Variants in IQSEC1 observed in about 807,000 individuals in gnomAD.
IQSEC1 encodes IQ motif and Sec7 domain ArfGEF 1.
IQSEC1 carries 31 observed loss-of-function variants against 91.0 expected under a neutral mutation model. That is an observed-to-expected ratio of 0.34 (90% CI 0.26 to 0.46). IQSEC1 has a LOEUF of 0.46. Among genes scored for constraint, IQSEC1 ranks in the 20% least tolerant of loss-of-function variants. The probability of loss-of-function intolerance (pLI) is 1.00; values close to 1 mark genes in which losing one functional copy is unlikely to be tolerated. For missense variants in IQSEC1, 1,388 were observed against 1,575.6 expected (o/e 0.88, Z 2.02); for synonymous variants, 699 against 662.6 (o/e 1.05, Z -0.84).
chr3:13,094,927 A>G (rs1705928278), intron 2 of IQSEC1, among the ~76,000 whole-genome samples: 1 of 152,200 alleles, frequency 6.6e-6, no homozygotes, highest in Non-Finnish European at 1.5e-5. Flanking sequence ...GCTGCAGGCC[A>G]CACGCTGAGA....
intron 1 of IQSEC1, among the ~76,000 whole-genome samples, chr3:13,025,727 G>A (rs769796564): frequency 5.3e-5 from 8 of 152,148 alleles, no homozygotes; most frequent in Admixed American, 1.3e-4. Flanking sequence ...CTCGACTCCC[G>A]CCTGGGGAAC....
chr3:13,164,183 A>G (rs1393707814), intron 1 of IQSEC1, among the ~76,000 whole-genome samples: 1 of 152,096 alleles, frequency 6.6e-6, no homozygotes, highest in Non-Finnish European at 1.5e-5. Flanking sequence ...CTGCTCCGGG[A>G]GACCTGCACA....
intron 2 of IQSEC1, among the ~76,000 whole-genome samples, chr3:13,143,764 A>G (rs549423085): frequency 6.6e-6 from 1 of 152,212 alleles, no homozygotes; most frequent in South Asian, 2.1e-4. Context: ...TGAGCATGAC[A>G]CTCACACTGA....
At chr3:13,226,028 C>G (rs1296339047) in intron 1 of IQSEC1, among the ~76,000 whole-genome samples, 1 of 152,108 alleles carries the variant, frequency 6.6e-6, no homozygotes, top group Non-Finnish European at 1.5e-5. Flanking sequence ...TTACAGGCAC[C>G]CACCACCACG....
chr3:12,948,498 C>T (rs1359707245), intron 1 of IQSEC1, among the ~76,000 whole-genome samples: 1 of 152,202 alleles, frequency 6.6e-6, no homozygotes, highest in African/African-American at 2.4e-5. Flanking sequence ...AACCCCAGCC[C>T]CTCAGCCCAG....
At chr3:13,001,124 T>A (rs185631960) in intron 1 of IQSEC1, among the ~76,000 whole-genome samples, 231 of 152,004 alleles carry the variant, frequency 1.5e-3, no homozygotes, top group Admixed American at 3.3e-3. Flanking sequence ...GCTTTTTTTT[T>A]AAATTTTTTT....
intron 3 of IQSEC1, among the ~76,000 whole-genome samples, chr3:12,928,257 G>A (rs1697337540): frequency 6.6e-6 from 1 of 152,208 alleles, no homozygotes. Context: ...GGTGGAGGTA[G>A]GAGCAAGAAG....
intron 2 of IQSEC1, among the ~76,000 whole-genome samples, chr3:13,148,310 G>A (rs1303227753): frequency 2.0e-5 from 3 of 152,088 alleles, no homozygotes; most frequent in African/African-American, 7.2e-5. Flanking sequence ...CGGGGGCAAG[G>A]TAAAATCCGG....
rs1239225279 is a variant in IQSEC1, at chr3:13,211,757, TC to T, written c.273-47625del. 6.6e-6 allele frequency among the ~76,000 whole-genome samples: 1 copy of T among 151,852 alleles called. No individual in the cohort carries two copies. The highest frequency in any genetic ancestry group is 1.5e-5 in the Non-Finnish European group (1 of 67,932). ...GGCCTTTGCCCTGGAACTTCCCTCT[TC>T]CTGGAAGGCCCTCTCTCCCTGCCCC... is the stretch of plus-strand genomic sequence containing the variant. On this transcript the variant is annotated intron_variant, in intron 1 of 15. Transcript: ENST00000648114. The surrounding 1 kb of genome is among the most constrained non-coding windows in gnomAD (Gnocchi z 5.3).
intron 2 of IQSEC1, among the ~76,000 whole-genome samples, chr3:13,094,331 G>A (rs1426030034): frequency 6.6e-6 from 1 of 152,180 alleles, no homozygotes; most frequent in Non-Finnish European, 1.5e-5. Flanking sequence ...CAGATGGAAG[G>A]CGAAGGCAAG....
At chr3:13,052,964 TC>T in intron 1 of IQSEC1, 1 of 1,154,730 alleles carries the variant, frequency 8.7e-7, no homozygotes, top group Non-Finnish European at 1.3e-6. Flanking sequence ...CATGTGCAAT[TC>T]TTTATAGACC....
intron 1 of IQSEC1, among the ~76,000 whole-genome samples, chr3:12,969,618 A>T (rs1700797668): frequency 1.3e-5 from 2 of 152,174 alleles, no homozygotes; most frequent in Admixed American, 1.3e-4. Flanking sequence ...CTAAAAATAG[A>T]CTGCAATAAA....
At chr3:13,152,004 AAAAG>A (rs1206218159) in intron 2 of IQSEC1, among the ~76,000 whole-genome samples, 2 of 152,164 alleles carry the variant, frequency 1.3e-5, no homozygotes, top group Non-Finnish European at 1.5e-5. Context: ...CAAAAACAAA[AAAAG>A]AGAGAGTTCT....
chr3:13,161,209 T>G (rs2124980139), intron 2 of IQSEC1, among the ~76,000 whole-genome samples: 1 of 151,650 alleles, frequency 6.6e-6, no homozygotes, highest in South Asian at 2.1e-4. Context: ...ATGGGAAGGC[T>G]GTGGAAGCGC....
chr3:13,182,463 C>T (rs1440363256), intron 1 of IQSEC1, among the ~76,000 whole-genome samples: 1 of 152,080 alleles, frequency 6.6e-6, no homozygotes, highest in South Asian at 2.1e-4. Flanking sequence ...ATTGCTACAT[C>T]GATAGATGAT....
chr3:13,029,648 G>A (rs926112896), intron 1 of IQSEC1, among the ~76,000 whole-genome samples: 21 of 152,226 alleles, frequency 1.4e-4, no homozygotes, highest in Non-Finnish European at 2.5e-4. Context: ...AGGTCAAGGG[G>A]GGCCAAACAG....
intron 5 of IQSEC1, among the ~76,000 whole-genome samples, chr3:12,921,086 G>A (rs2125173935): frequency 6.6e-6 from 1 of 152,244 alleles, no homozygotes; most frequent in South Asian, 2.1e-4. Flanking sequence ...TTCAACAGCT[G>A]TGGACCGACT....
intron 1 of IQSEC1, among the ~76,000 whole-genome samples, chr3:13,190,620 C>T (rs928308110): frequency 2.0e-5 from 3 of 151,990 alleles, no homozygotes; most frequent in Non-Finnish European, 4.4e-5. Flanking sequence ...CTTCCTCCTA[C>T]CAGCCATGGC....
chr3:13,179,248 C>T (rs1433738516), intron 1 of IQSEC1, among the ~76,000 whole-genome samples: 1 of 152,088 alleles, frequency 6.6e-6, no homozygotes, highest in African/African-American at 2.4e-5. Context: ...GTTTCAGTAA[C>T]AAATACAAAA....
Sources: allele counts gnomAD v4.1 joint callset (sites outside exome capture counted in the v4.1 genomes callset), GRCh38; gene constraint gnomAD v4.1.1; non-coding constraint Gnocchi (gnomAD v3.1); transcripts MANE v1.5; gene names NCBI Gene and HGNC (gene_info 2026-07-23, HGNC 2026-07-21).